The following DCHS2 variants were observed in gnomAD, a reference collection of about 807,000 sequenced individuals.
DCHS2 encodes dachsous cadherin-related 2.
Under a neutral mutation model 182.4 loss-of-function variants are expected in DCHS2, and 142 were observed. The observed-to-expected ratio is 0.78, with a 90% CI of 0.68 to 0.89. The LOEUF is 0.89. DCHS2 is among the 40% of genes least tolerant of loss of function. The pLI is 0.00. For synonymous variants in DCHS2, 1,740 were observed against 1,663.3 expected (o/e 1.05, Z -1.12); for missense variants, 4,319 against 4,198.6 (o/e 1.03, Z -0.79).
chr4:154,368,578 A>G (rs939340943), intron 2 of DCHS2, among the ~76,000 whole-genome samples: 13 of 150,530 alleles, frequency 8.6e-5, no homozygotes, highest in Non-Finnish European at 1.8e-4. Context: ...GTGCAATGGC[A>G]CGATCTTGGC....
rs1200290904 is a variant in DCHS2 at position 154,237,082 on chromosome 4, C to T, written c.7570G>A (p.Gly2524Ser). 2 of 1,613,822 alleles carry T rather than the reference C, an allele frequency of 1.2e-6. No individual in the cohort carries two copies. Among genetic ancestry groups the T allele is most frequent in the South Asian group, 1.1e-5 (1 of 91,072 alleles). The change falls in exon 20 of 20, where the codon GGT becomes AGT. Residue 2524 changes from glycine (G) to serine (S), a missense_variant. Transcript: ENST00000357232. ...AGAGCTCTCAGGTCAGGATTTCCAC[C>T]ATCACTGGCTTCCACAAGAAATTGA... is the stretch of plus-strand genomic sequence containing the variant. ...TTQFLVEASD[G>S]GNPDLRALTL...
rs534417694 is a variant in DCHS2 at position 154,233,833 on chromosome 4, G to A, written c.*703C>T. The A allele has an allele frequency of 7.2e-5, 11 of 152,004 alleles. No individual in the cohort carries two copies. The highest frequency in any genetic ancestry group is 2.7e-4 in the African/African-American group (11 of 41,466). The allele number at this position is 152,004 out of a possible 1,614,324, so 9.4% of individuals were successfully genotyped here. A position where few individuals can be genotyped will look rare whatever the true frequency, so the allele number is the denominator to read the frequency against. On this transcript the variant is annotated 3_prime_UTR_variant, in exon 20 of 20. Coordinates refer to ENST00000357232, the MANE Select transcript of DCHS2 (RefSeq NM_001358235.2). ...CCCTCTATCAGGAACATGCATTTCTGGTTTATTGAATCATGAATAATTATT... is the reference window on the plus strand; with the variant it reads ...CCCTCTATCAGGAACATGCATTTCTAGTTTATTGAATCATGAATAATTATT...
At chr4:154,452,660 T>C (rs1033663062) in intron 1 of DCHS2, among the ~76,000 whole-genome samples, 1 of 149,542 alleles carries the variant, frequency 6.7e-6, no homozygotes, top group African/African-American at 2.4e-5. Context: ...AAAAAAAAAC[T>C]GTTAAAGGTT....
chr4:154,376,446 G>A (rs1164178470), intron 2 of DCHS2, among the ~76,000 whole-genome samples: 3 of 57,186 alleles, frequency 5.2e-5, no homozygotes, highest in African/African-American at 1.6e-4. Context: ...AAGACAGCAA[G>A]TTACTATTAA....
At chr4:154,331,974 T>C (rs899776619) in intron 5 of DCHS2, among the ~76,000 whole-genome samples, 1 of 152,202 alleles carries the variant, frequency 6.6e-6, no homozygotes, top group African/African-American at 2.4e-5. Flanking sequence ...CCTGTCAGAA[T>C]GAGAAAAAGG....
rs1320270222 is a variant in DCHS2, at chr4:154,490,406, C to A, written c.950G>T (p.Arg317Leu). The part of the protein sequence containing the change: ...EDAQPGAEVC[R>L]VRATDRDLGP... ...CAGGTCGCGGTCGGTGGCGCGCACG[C>A]GACAGACCTCGGCGCCCGGCTGGGC... Residue 317 changes from arginine (R) to leucine (L), a missense_variant, in exon 1 of 20, where the codon CGC becomes CTC. Coordinates refer to ENST00000357232, the MANE Select transcript of DCHS2 (RefSeq NM_001358235.2). The A allele has an allele frequency of 6.5e-7, 1 of 1,533,628 alleles. No individual in the cohort carries two copies. The highest frequency in any genetic ancestry group is 8.7e-7 in the Non-Finnish European group (1 of 1,144,880).
chr4:154,379,511 C>T lies in DCHS2; in HGVS notation c.2053-2067G>A, dbSNP rs750093090. On this transcript the variant is annotated intron_variant, in intron 1 of 19. Coordinates refer to ENST00000357232, the MANE Select transcript of DCHS2 (RefSeq NM_001358235.2). ...AAGTAGATGTAGTGAAACTTAAGCA[C>T]GAGGAAAGTTATACCCAGAAATGGC... Among the ~76,000 whole-genome samples the T allele has an allele frequency of 2.0e-4, 31 of 152,110 alleles. 1 individual carries two copies. Among genetic ancestry groups the T allele is most frequent in the Admixed American group, 7.9e-4 (12 of 15,272 alleles).
chr4:154,387,337 G>A (rs1731465564), intron 1 of DCHS2, among the ~76,000 whole-genome samples: 1 of 152,172 alleles, frequency 6.6e-6, no homozygotes, highest in Non-Finnish European at 1.5e-5. Context: ...AATTAAAATA[G>A]TGTGATCTAA....
intron 14 of DCHS2, 123 bp from the exon 15 acceptor site, chr4:154,259,879 G>A (rs1732895318): frequency 6.0e-6 from 7 of 1,172,182 alleles, no homozygotes; most frequent in East Asian, 2.7e-5. Context: ...CTGGAGTGCA[G>A]TGGTGAAATC....
intron 1 of DCHS2, among the ~76,000 whole-genome samples, chr4:154,486,687 G>A (rs573884689): frequency 9.2e-5 from 14 of 152,192 alleles, no homozygotes; most frequent in Non-Finnish European, 1.6e-4. Context: ...GATTGAGAGA[G>A]TAGAAAGAAG....
rs564270580 is a variant in DCHS2, at chr4:154,385,642, A to G, written c.2053-8198T>C. Among the ~76,000 whole-genome samples the G allele has an allele frequency of 1.9e-4, 26 of 136,898 alleles. 2 individuals are homozygous for G. The South Asian group carries it at 5.3e-3, about 28-fold the overall frequency. 89.8% of individuals were successfully genotyped at this position (136,898 alleles called of 152,430 possible). On this transcript the variant is annotated intron_variant, in intron 1 of 19. Transcript: ENST00000357232. ...GCTGAGACTACAGGTGCAGGCCATC[A>G]TGCTCAATTACTTTTTTTTTTCTGC...
At chr4:154,385,663 T>C (rs1463009023) in intron 1 of DCHS2, among the ~76,000 whole-genome samples, 3 of 149,266 alleles carry the variant, frequency 2.0e-5, no homozygotes, top group Non-Finnish European at 4.5e-5. Flanking sequence ...CTTTTTTTTT[T>C]CTGCATTTTT....
At chr4:154,486,485 T>C (rs1488626489) in intron 1 of DCHS2, 1 of 1,304,824 alleles carries the variant, frequency 7.7e-7, no homozygotes, top group East Asian at 5.5e-5. Context: ...TTTGTTTTTG[T>C]TTGATTTTGA....
chr4:154,393,973 A>G (rs549801917), intron 1 of DCHS2, among the ~76,000 whole-genome samples: 1 of 152,310 alleles, frequency 6.6e-6, no homozygotes, highest in African/African-American at 2.4e-5. Context: ...CAAGAATTCA[A>G]GGAATCAATC....
intron 3 of DCHS2, among the ~76,000 whole-genome samples, chr4:154,365,936 C>T (rs772086256): frequency 2.6e-5 from 4 of 151,952 alleles, no homozygotes; most frequent in Non-Finnish European, 5.9e-5. Flanking sequence ...GTGTGAGCCA[C>T]CGCACCCAGT....
At chr4:154,293,158 T>A (rs1026530981) in intron 13 of DCHS2, among the ~76,000 whole-genome samples, 1 of 152,132 alleles carries the variant, frequency 6.6e-6, no homozygotes, top group Non-Finnish European at 1.5e-5. Flanking sequence ...CTTCAACGAT[T>A]ACCATTTAAC....
chr4:154,362,797 T>C (rs1294851554), intron 3 of DCHS2, among the ~76,000 whole-genome samples: 1 of 152,162 alleles, frequency 6.6e-6, no homozygotes, highest in Non-Finnish European at 1.5e-5. Flanking sequence ...TGAAGACCTT[T>C]ACTTAATGAA....
chr4:154,365,577 C>T (rs911222761), intron 3 of DCHS2, among the ~76,000 whole-genome samples: 6 of 151,772 alleles, frequency 4.0e-5, no homozygotes, highest in South Asian at 2.1e-4. Context: ...CTCCTGGCCT[C>T]GAGCCATCCT....
In DCHS2 at chr4:154,332,576, C is replaced by T. The variant is rs1736582628; in HGVS notation, c.3632G>A (p.Gly1211Asp). The T allele has an allele frequency of 6.2e-7, 1 of 1,614,070 alleles. No homozygotes were observed. The change falls in exon 5 of 20, where the codon GGC (glycine) becomes GAC (aspartate). Residue 1211 changes from glycine to aspartate, a missense_variant. Transcript: ENST00000357232. ...GTCCATGTCAATAGCTGTAATTTTG[C>T]CTATTACCCCTTGGGGAACAGGGCT... Reference protein sequence around the residue: ...EESPVPQGVIGKITAIDMDSG... With the variant: ...EESPVPQGVIDKITAIDMDSG...
Sources: gnomAD v4.1 joint callset for allele counts (sites outside exome capture counted in the v4.1 genomes callset) on GRCh38, gnomAD v4.1.1 for gene constraint, MANE v1.5 for transcripts, NCBI Gene and HGNC (gene_info 2026-07-23, HGNC 2026-07-21) for gene names.